The following LARGE1 variants were observed in gnomAD, a reference collection of about 807,000 sequenced individuals.
The protein encoded by LARGE1 is xylosyl- and glucuronyltransferase LARGE1.
In LARGE1, 43 loss-of-function variants were observed where a neutral mutation model predicts 87.6. The observed-to-expected ratio is 0.49, with a 90% confidence interval of 0.38 to 0.63. The LOEUF (loss-of-function observed/expected upper bound fraction) is 0.63, where lower values mean the gene tolerates loss of function less well. LARGE1 is among the 30% of genes least tolerant of loss of function. The pLI, the probability that LARGE1 is intolerant of heterozygous loss-of-function variation, is 0.00. For missense variants in LARGE1, 802 were observed against 1,000.2 expected, an observed-to-expected ratio of 0.80 and a Z score of 2.67; for synonymous variants, 434 against 394.6, an observed-to-expected ratio of 1.10 and a Z score of -1.18.
At chr22:33,739,493 A>T (rs2083795591) in intron 2 of LARGE1, among the ~76,000 whole-genome samples, 1 of 152,230 alleles carries the variant, frequency 6.6e-6, no homozygotes. Flanking sequence ...GCCACGCAAG[A>T]CAATGAAGTT....
At chr22:33,322,990 C>T (rs941976034) in intron 10 of LARGE1, among the ~76,000 whole-genome samples, 7 of 152,108 alleles carry the variant, frequency 4.6e-5, no homozygotes, top group Middle Eastern at 3.4e-3. Context: ...GGTGCAGTGG[C>T]GTGCGCCTCT....
At chr22:33,078,476 T>C in the LARGE1 span, among the ~76,000 whole-genome samples, 1 of 152,216 alleles carries the variant, frequency 6.6e-6, no homozygotes, top group Non-Finnish European at 1.5e-5. Flanking sequence ...GTACTGTTAT[T>C]ATACCCATTG....
chr22:33,281,857 G>A (rs138137827), intron 13 of LARGE1, among the ~76,000 whole-genome samples: 2 of 152,302 alleles, frequency 1.3e-5, no homozygotes, highest in East Asian at 3.9e-4. Flanking sequence ...ACCTCATAAA[G>A]TTATTTTCAC....
chr22:33,834,320 T>A (rs1601731189), intron 1 of LARGE1, among the ~76,000 whole-genome samples: 1 of 152,260 alleles, frequency 6.6e-6, no homozygotes, highest in South Asian at 2.1e-4. Flanking sequence ...AGCCATCATA[T>A]CCCCTGTGAC....
At chr22:33,535,052 ATC>A (rs2077001661) in intron 6 of LARGE1, among the ~76,000 whole-genome samples, 1 of 152,196 alleles carries the variant, frequency 6.6e-6, no homozygotes, top group South Asian at 2.1e-4. Flanking sequence ...GAATCATACA[ATC>A]TCTTGTCTGG....
intron 11 of LARGE1, among the ~76,000 whole-genome samples, chr22:33,232,058 C>A (rs576343359): frequency 6.6e-6 from 1 of 152,284 alleles, no homozygotes; most frequent in South Asian, 2.1e-4. Flanking sequence ...AGCCAGTTAG[C>A]AGAGGGGTCA....
At position 33,510,232 on chromosome 22, in the gene LARGE1, T is replaced by C. The variant is rs2070991016; in HGVS notation, c.787+54616A>G. 2.0e-5 allele frequency among the ~76,000 whole-genome samples: 3 copies of C among 152,310 alleles called. No individual in the cohort carries two copies. In the South Asian group the frequency reaches 6.2e-4, roughly 32 times the overall value. On this transcript the variant is annotated intron_variant, in intron 6 of 14. Transcript: ENST00000397394. ...GCAAGTCTTAATCCCTGCAGCCACC[T>C]TGTAAGGGGGTAGTGGTGATGACAG...
intron 5 of LARGE1, among the ~76,000 whole-genome samples, chr22:33,581,996 C>G (rs1319657528): frequency 6.6e-6 from 1 of 152,150 alleles, no homozygotes; most frequent in African/African-American, 2.4e-5. Flanking sequence ...TTTTCTATCC[C>G]ATCACCTTCA....
At position 33,588,372 on chromosome 22, in the gene LARGE1, T is replaced by G. The variant is rs138533441; in HGVS notation, c.615+16063A>C. Among the ~76,000 whole-genome samples, 8 of 152,324 alleles carry G rather than the reference T, an allele frequency of 5.3e-5. No homozygotes were observed. The East Asian group carries it at 1.5e-3, about 29-fold the overall frequency. On this transcript the variant is annotated intron_variant, in intron 5 of 14. Transcript: ENST00000397394. ...ACAGAATGCCAGGCCCAGAACACTT[T>G]CCTTGAGATGCTAACTGAGCTCTAG...
the LARGE1 span, among the ~76,000 whole-genome samples, chr22:33,093,612 T>G: frequency 6.6e-6 from 1 of 152,122 alleles, no homozygotes; most frequent in African/African-American, 2.4e-5. Flanking sequence ...CCAGGTGTGG[T>G]TACATTCCTC....
intron 10 of LARGE1, among the ~76,000 whole-genome samples, chr22:33,323,844 T>C (rs564629324): frequency 6.6e-6 from 1 of 152,186 alleles, no homozygotes; most frequent in Non-Finnish European, 1.5e-5. Context: ...TGGTTATGAT[T>C]ATATTATGTA....
At chr22:33,335,142 T>C (rs993433732) in intron 10 of LARGE1, among the ~76,000 whole-genome samples, 4 of 152,206 alleles carry the variant, frequency 2.6e-5, no homozygotes, top group East Asian at 1.9e-4. Flanking sequence ...AGGAGAACAG[T>C]TTCCATTTAA....
At chr22:33,093,046 C>T in the LARGE1 span, among the ~76,000 whole-genome samples, 3 of 139,134 alleles carry the variant, frequency 2.2e-5, no homozygotes, top group Non-Finnish European at 3.3e-5. Flanking sequence ...GAGGAATCGC[C>T]ACACTGTCTT....
rs569074027 is a variant in LARGE1 at position 33,778,006 on chromosome 22, C to A, written c.-82-16448G>T. 9.4e-4 allele frequency among the ~76,000 whole-genome samples: 143 copies of A among 152,236 alleles called. 1 individual carries two copies. The highest frequency in any genetic ancestry group is 3.3e-3 in the African/African-American group (139 of 41,546). Reference sequence around the variant, plus strand: ...GCTTTAGAGCAACATCTCCTTTGCCCAGAATTGGTTCAGGGATGACCTGTG... The same window carrying A: ...GCTTTAGAGCAACATCTCCTTTGCCAAGAATTGGTTCAGGGATGACCTGTG... On this transcript the variant is annotated intron_variant, in intron 1 of 14. Coordinates refer to ENST00000397394, the MANE Select transcript of LARGE1 (RefSeq NM_133642.5).
intron 10 of LARGE1, among the ~76,000 whole-genome samples, chr22:33,325,901 C>G (rs113298787): frequency 3.3e-5 from 5 of 152,218 alleles, no homozygotes; most frequent in South Asian, 2.1e-4. Context: ...CCTCAGTTGA[C>G]AGATGAGGGC....
rs770267233 is a variant in LARGE1 at position 33,650,643 on chromosome 22, C to A, written c.132G>T (p.Pro44=). The change falls in exon 3 of 15, where the codon CCG becomes CCT. Residue 44 remains proline, a synonymous_variant. Coordinates refer to ENST00000397394, the MANE Select transcript of LARGE1 (RefSeq NM_133642.5). ...TGGGGCTGTGTGCCTGGGACTCCAG[C>A]GGTGACAGAGACACGGGCTTTCCAT... ...FEDGKPVSLS[P]LESQAHSPRY... 6.2e-7 allele frequency: 1 copy of A among 1,602,088 alleles called. No individual in the cohort carries two copies.
At chr22:33,471,017 T>TTTC (rs1259297524) in intron 6 of LARGE1, among the ~76,000 whole-genome samples, 51 of 149,668 alleles carry the variant, frequency 3.4e-4, no homozygotes, top group Non-Finnish European at 5.0e-4. Context: ...CTTAATAGTC[T>TTTC]TTCTTCTTCT....
chr22:33,384,945 G>GC (rs1267758196), intron 7 of LARGE1, among the ~76,000 whole-genome samples: 3 of 148,640 alleles, frequency 2.0e-5, no homozygotes, highest in African/African-American at 7.3e-5. Flanking sequence ...CACAAAAGCA[G>GC]CTCCTCTGTG....
intron 5 of LARGE1, among the ~76,000 whole-genome samples, chr22:33,582,843 A>G (rs2078561396): frequency 6.6e-6 from 1 of 152,224 alleles, no homozygotes; most frequent in African/African-American, 2.4e-5. Flanking sequence ...CTTGTACAAA[A>G]AGAAGAGGAG....
Sources: allele counts gnomAD v4.1 joint callset (sites outside exome capture counted in the v4.1 genomes callset), GRCh38; gene constraint gnomAD v4.1.1; transcripts MANE v1.5; gene names NCBI Gene and HGNC (gene_info 2026-07-23, HGNC 2026-07-21).